Variants in VWC2L observed in about 807,000 individuals in gnomAD.
The protein encoded by VWC2L is von Willebrand factor C domain-containing protein 2-like.
A neutral mutation model predicts 21.6 loss-of-function variants in VWC2L; 10 were observed. The observed-to-expected ratio is 0.46, with a 90% confidence interval of 0.29 to 0.78. VWC2L has a LOEUF of 0.78. Among genes scored for constraint, VWC2L ranks in the 30% least tolerant of loss-of-function variants. The pLI is 0.10. For synonymous variants in VWC2L, 96 were observed against 94.3 expected (o/e 1.02, Z -0.10); for missense variants, 209 against 277.1 (o/e 0.75, Z 1.74).
At chr2:214,436,456 A>G in intron 2 of VWC2L, 173 bp from the exon 3 acceptor site, 1 of 743,870 alleles carries the variant, frequency 1.3e-6, no homozygotes. Context: ...ATCCACTGTG[A>G]CTTGGGTGTC....
intron 3 of VWC2L, among the ~76,000 whole-genome samples, chr2:214,478,340 G>C (rs1022798476): frequency 6.6e-6 from 1 of 151,970 alleles, no homozygotes. Context: ...CTAGCTGGGC[G>C]TGGTGGCAGG....
intron 2 of VWC2L, among the ~76,000 whole-genome samples, chr2:214,433,484 T>A: frequency 6.6e-6 from 1 of 152,158 alleles, no homozygotes; most frequent in East Asian, 1.9e-4. Context: ...TATTCTCTGT[T>A]TCTCTAAGGA....
intron 3 of VWC2L, among the ~76,000 whole-genome samples, chr2:214,489,888 AAGAG>A (rs891617228): frequency 3.3e-5 from 5 of 152,176 alleles, no homozygotes; most frequent in African/African-American, 1.2e-4. Flanking sequence ...TGGATAGAAA[AAGAG>A]AGAGAATGAA....
At chr2:214,537,456 T>C (rs1415089359) in intron 3 of VWC2L, among the ~76,000 whole-genome samples, 1 of 151,790 alleles carries the variant, frequency 6.6e-6, no homozygotes, top group Non-Finnish European at 1.5e-5. Context: ...CTCTTTTATA[T>C]GCAAAATCTA....
chr2:214,483,931 G>T (rs1227808121), intron 3 of VWC2L, among the ~76,000 whole-genome samples: 1 of 152,126 alleles, frequency 6.6e-6, no homozygotes, highest in Non-Finnish European at 1.5e-5. Flanking sequence ...TTGGAAGATG[G>T]AAGTCTCAAA....
At chr2:214,526,584 C>T (rs2105913894) in intron 3 of VWC2L, among the ~76,000 whole-genome samples, 1 of 152,262 alleles carries the variant, frequency 6.6e-6, no homozygotes, top group East Asian at 1.9e-4. Context: ...TTTGACTTGC[C>T]TCATTATCGT....
chr2:214,469,534 G>A (rs1703273224), intron 3 of VWC2L, among the ~76,000 whole-genome samples: 1 of 152,076 alleles, frequency 6.6e-6, no homozygotes, highest in Non-Finnish European at 1.5e-5. Context: ...GGCAGAGCTT[G>A]CAGTGAGCAG....
intron 3 of VWC2L, among the ~76,000 whole-genome samples, chr2:214,556,816 A>C (rs1689879574): frequency 6.6e-6 from 1 of 152,160 alleles, no homozygotes; most frequent in Non-Finnish European, 1.5e-5. Context: ...CTATCATTTC[A>C]ACCACTCTCT....
At chr2:214,573,406 C>G (rs1482140452) in intron 3 of VWC2L, among the ~76,000 whole-genome samples, 1 of 152,068 alleles carries the variant, frequency 6.6e-6, no homozygotes, top group Non-Finnish European at 1.5e-5. Flanking sequence ...TTTATTTTCC[C>G]ATGTGGAAAA....
intron 1 of VWC2L, among the ~76,000 whole-genome samples, chr2:214,412,872 C>A (rs575290014): frequency 6.6e-6 from 1 of 152,042 alleles, no homozygotes; most frequent in East Asian, 1.9e-4. Flanking sequence ...GTCCTGTATA[C>A]CATCTTAGTG....
chr2:214,565,496 A>T (rs950525003), intron 3 of VWC2L, among the ~76,000 whole-genome samples: 5 of 152,244 alleles, frequency 3.3e-5, no homozygotes, highest in Non-Finnish European at 5.9e-5. Flanking sequence ...TGTGCTGTCT[A>T]TTCAGATGTT....
Position 214,575,921 on chromosome 2 carries a change from AC to A in VWC2L, c.*102del. 12 of 1,381,334 alleles carry A rather than the reference AC, an allele frequency of 8.7e-6. No homozygotes were observed. Among genetic ancestry groups the A allele is most frequent in the Non-Finnish European group, 1.2e-5 (12 of 1,024,108 alleles). 85.6% of individuals were successfully genotyped at this position (1,381,334 alleles called of 1,614,324 possible). A position where few individuals can be genotyped will look rare whatever the true frequency, so the allele number is the denominator to read the frequency against. On this transcript the variant is annotated 3_prime_UTR_variant, in exon 4 of 4. Coordinates refer to ENST00000312504, the MANE Select transcript of VWC2L (RefSeq NM_001080500.4). ...CAAAACAAACAAACTCCTGCCAGCTACAACAGGGTCACCAGCAAAACTTTCT... is the reference window on the plus strand; with the variant it reads ...CAAAACAAACAAACTCCTGCCAGCTAAACAGGGTCACCAGCAAAACTTTCT...
intron 3 of VWC2L, among the ~76,000 whole-genome samples, chr2:214,492,015 T>C (rs1056332287): frequency 5.3e-5 from 8 of 152,192 alleles, no homozygotes; most frequent in African/African-American, 1.9e-4. Context: ...TCACTTTTTT[T>C]ATGCCAAAGA....
At chr2:214,473,812 A>T (rs1460855591) in intron 3 of VWC2L, 8 of 152,142 alleles carry the variant, frequency 5.3e-5, no homozygotes, top group African/African-American at 1.9e-4. Context: ...CAACATGTGT[A>T]ATAAAAATGT....
At chr2:214,545,852 C>T (rs193241684) in intron 3 of VWC2L, among the ~76,000 whole-genome samples, 25 of 152,230 alleles carry the variant, frequency 1.6e-4, no homozygotes, top group East Asian at 3.9e-4. Context: ...GAGAACGTGA[C>T]GGATCTTTCT....
intron 3 of VWC2L, among the ~76,000 whole-genome samples, chr2:214,542,916 ACCT>A (rs895554741): frequency 6.6e-6 from 1 of 152,152 alleles, no homozygotes; most frequent in Non-Finnish European, 1.5e-5. Context: ...TTTATTGCAC[ACCT>A]CCTCTGTATT....
At chr2:214,453,038 T>C (rs2126185482) in intron 3 of VWC2L, among the ~76,000 whole-genome samples, 1 of 152,358 alleles carries the variant, frequency 6.6e-6, no homozygotes, top group Non-Finnish European at 1.5e-5. Flanking sequence ...TTTTCATCCC[T>C]TTCACAATGT....
intron 3 of VWC2L, among the ~76,000 whole-genome samples, chr2:214,518,296 G>GT (rs1437260239): frequency 6.6e-6 from 1 of 152,156 alleles, no homozygotes; most frequent in Non-Finnish European, 1.5e-5. Context: ...CTCATATGTA[G>GT]TATGTATAAC....
chr2:214,412,784 A>T (rs1702297885), intron 1 of VWC2L, among the ~76,000 whole-genome samples: 1 of 152,094 alleles, frequency 6.6e-6, no homozygotes. Flanking sequence ...TGTTAGACTG[A>T]AAAGAGATGG....
Sources: gnomAD v4.1 joint callset for allele counts (sites outside exome capture counted in the v4.1 genomes callset) on GRCh38, gnomAD v4.1.1 for gene constraint, MANE v1.5 for transcripts, NCBI Gene and HGNC (gene_info 2026-07-23, HGNC 2026-07-21) for gene names.